RERE: variants seen among roughly 807,000 people sequenced by gnomAD.
RERE encodes arginine-glutamic acid dipeptide repeats protein.
A neutral mutation model predicts 146.1 loss-of-function variants in RERE; 40 were observed. That is an observed-to-expected ratio of 0.27 (90% CI 0.21 to 0.36). RERE has a LOEUF of 0.36. Ranked by LOEUF, RERE falls within the 10% of genes least tolerant of loss-of-function variation. The pLI is 1.00. For missense variants in RERE, 1,933 were observed against 2,138.7 expected, an observed-to-expected ratio of 0.90 and a Z score of 1.90; for synonymous variants, 1,003 against 866.0, an observed-to-expected ratio of 1.16 and a Z score of -2.78.
chr1:8,362,873 A>G, intron 15 of RERE, 29 bp from the exon 16 acceptor site: 1 of 1,591,410 alleles, frequency 6.3e-7, no homozygotes, highest in South Asian at 1.2e-5. Flanking sequence ...GACTGGTGAC[A>G]CCAGATTCCC....
At chr1:8,383,195 G>C in intron 12 of RERE, among the ~76,000 whole-genome samples, 1 of 151,772 alleles carries the variant, frequency 6.6e-6, no homozygotes, top group East Asian at 1.9e-4. Context: ...TCAAGGAGAA[G>C]AGTATTCTGT....
intron 12 of RERE, among the ~76,000 whole-genome samples, chr1:8,393,972 T>G (rs1326217188): frequency 6.6e-6 from 1 of 151,820 alleles, no homozygotes; most frequent in African/African-American, 2.4e-5. Context: ...GCTGGCCACC[T>G]CCAATCTCCA....
intron 1 of RERE, chr1:8,806,018 A>C (rs375143449): frequency 6.6e-6 from 1 of 151,552 alleles, no homozygotes; most frequent in African/African-American, 2.4e-5. Context: ...TGCCCAGCTA[A>C]TTTTTGTACT....
At chr1:8,718,335 A>G (rs2124469354) in intron 1 of RERE, among the ~76,000 whole-genome samples, 1 of 152,292 alleles carries the variant, frequency 6.6e-6, no homozygotes, top group South Asian at 2.1e-4. Context: ...CTTTCCTCCT[A>G]TTAGTTTTTA....
chr1:8,512,184 C>T (rs1266761981), intron 7 of RERE, among the ~76,000 whole-genome samples: 1 of 148,810 alleles, frequency 6.7e-6, no homozygotes. Flanking sequence ...CAGGCGCCCG[C>T]CACCGCGCCC....
At chr1:8,500,603 C>G (rs1371108121) in intron 8 of RERE, among the ~76,000 whole-genome samples, 1 of 152,184 alleles carries the variant, frequency 6.6e-6, no homozygotes, top group Non-Finnish European at 1.5e-5. Context: ...CCCAAAGTGC[C>G]GAGATTGCAG....
intron 7 of RERE, among the ~76,000 whole-genome samples, chr1:8,525,406 G>A (rs1055789288): frequency 8.5e-5 from 13 of 152,172 alleles, no homozygotes; most frequent in African/African-American, 1.9e-4. Context: ...GCAAGGGGGC[G>A]GCCTGCAGGC....
At position 8,470,396 on chromosome 1, in the gene RERE, G is replaced by A. The variant is rs556768155; in HGVS notation, c.1105-4373C>T. On this transcript the variant is annotated intron_variant, in intron 10 of 22. Coordinates refer to ENST00000400908, the MANE Select transcript of RERE (RefSeq NM_001042681.2). ...CCTGCCTCAACCTCCTGAGTAGCTG[G>A]GACTACAAGCGCCCACCACCACGCC... Among the ~76,000 whole-genome samples the A allele has an allele frequency of 3.9e-5, 6 of 152,060 alleles. No individual in the cohort carries two copies. In the South Asian group the frequency reaches 1.2e-3, roughly 32 times the overall value.
chr1:8,436,187 C>T (rs1009897116), intron 11 of RERE, among the ~76,000 whole-genome samples: 17 of 152,128 alleles, frequency 1.1e-4, no homozygotes, highest in African/African-American at 1.7e-4. Flanking sequence ...GGCGTGGTGG[C>T]GTGTGCCTGT....
intron 4 of RERE, among the ~76,000 whole-genome samples, chr1:8,599,258 TAACA>T (rs1646592596): frequency 1.3e-5 from 2 of 152,216 alleles, no homozygotes; most frequent in South Asian, 4.1e-4. Flanking sequence ...ACCAGCCACC[TAACA>T]ATTAACAACC....
rs866636686 is a variant in RERE, at chr1:8,395,246, C to T, written c.1284+27481G>A. On this transcript the variant is annotated intron_variant, in intron 12 of 22. Transcript: ENST00000400908. ...ATCTGAGCACTTTGGGAAGCCGAGGCGGGTGGATCACAAGGTCAGGAGTTC... is the reference window on the plus strand; with the variant it reads ...ATCTGAGCACTTTGGGAAGCCGAGGTGGGTGGATCACAAGGTCAGGAGTTC... 4.3e-4 allele frequency among the ~76,000 whole-genome samples: 65 copies of T among 152,182 alleles called. 1 individual carries two copies. In the Middle Eastern group the frequency reaches 0.014, roughly 32 times the overall value.
At chr1:8,447,319 T>A (rs1008737673) in intron 11 of RERE, among the ~76,000 whole-genome samples, 1 of 152,114 alleles carries the variant, frequency 6.6e-6, no homozygotes, top group African/African-American at 2.4e-5. Context: ...TCATTCTCCA[T>A]CCAGTTTTGT....
At chr1:8,421,763 G>T (rs751636356) in intron 12 of RERE, among the ~76,000 whole-genome samples, 1 of 152,120 alleles carries the variant, frequency 6.6e-6, no homozygotes, top group Non-Finnish European at 1.5e-5. Context: ...TTTTATAGTA[G>T]ATATTCTTGC....
At chr1:8,386,457 ACTCCCTGGGCCTGAG>A (rs950668058) in intron 12 of RERE, among the ~76,000 whole-genome samples, 5 of 149,790 alleles carry the variant, frequency 3.3e-5, no homozygotes, top group Admixed American at 6.8e-5. Flanking sequence ...AAGGGTTTCC[ACTCCCTGGGCCTGAG>A]CTCTGAAACC....
At chr1:8,523,551 C>T (rs1281912170) in intron 7 of RERE, among the ~76,000 whole-genome samples, 1 of 152,178 alleles carries the variant, frequency 6.6e-6, no homozygotes, top group East Asian at 1.9e-4. Context: ...TTCCCATGTG[C>T]TGTTCCCTCA....
intron 1 of RERE, among the ~76,000 whole-genome samples, chr1:8,664,269 G>C (rs989841764): frequency 6.6e-6 from 1 of 152,052 alleles, no homozygotes; most frequent in Non-Finnish European, 1.5e-5. Flanking sequence ...TTCTAGACAC[G>C]ATCCTCTCCA....
intron 10 of RERE, among the ~76,000 whole-genome samples, chr1:8,470,813 CTTTTTT>C (rs71580028): frequency 1.1e-4 from 8 of 74,566 alleles, no homozygotes; most frequent in Admixed American, 4.5e-4. Context: ...AAAGAAATAC[CTTTTTT>C]TTTTTTTTTT....
At chr1:8,635,832 C>T (rs1570544593) in intron 2 of RERE, among the ~76,000 whole-genome samples, 3 of 152,200 alleles carry the variant, frequency 2.0e-5, no homozygotes, top group Admixed American at 1.3e-4. Flanking sequence ...TAATGTGCCA[C>T]GTAAGTGCTG....
At chr1:8,614,075 G>T (rs112955314) in intron 4 of RERE, among the ~76,000 whole-genome samples, 90 of 152,230 alleles carry the variant, frequency 5.9e-4, no homozygotes, top group African/African-American at 2.1e-3. Flanking sequence ...CAAGCCTCTT[G>T]AAGGGCATAT....
Sources: gnomAD v4.1 joint callset for allele counts (sites outside exome capture counted in the v4.1 genomes callset) on GRCh38, gnomAD v4.1.1 for gene constraint, MANE v1.5 for transcripts, NCBI Gene and HGNC (gene_info 2026-07-23, HGNC 2026-07-21) for gene names.